Variants in RALGPS1 observed in about 807,000 individuals in gnomAD.
RALGPS1 encodes the protein Ral GEF with PH domain and SH3 binding motif 1.
Under a neutral mutation model 78.8 loss-of-function variants are expected in RALGPS1, and 19 were observed. That is an observed-to-expected ratio of 0.24 (90% CI 0.17 to 0.35). RALGPS1 has a LOEUF of 0.35. Among genes scored for constraint, RALGPS1 ranks in the 10% least tolerant of loss-of-function variants. The pLI is 1.00. For synonymous variants in RALGPS1, 228 were observed against 256.3 expected (o/e 0.89, Z 1.06); for missense variants, 454 against 688.3 (o/e 0.66, Z 3.81).
chr9:127,172,276 C>T (rs565959934), intron 10 of RALGPS1, among the ~76,000 whole-genome samples: 2 of 152,334 alleles, frequency 1.3e-5, no homozygotes, highest in African/African-American at 4.8e-5. Context: ...GGCCGTGTGC[C>T]GTTGCCTCTG....
chr9:126,981,317 G>A (rs1308069216), intron 4 of RALGPS1, among the ~76,000 whole-genome samples: 3 of 152,200 alleles, frequency 2.0e-5, no homozygotes, highest in African/African-American at 7.2e-5. Context: ...TTTGATGGAG[G>A]AGTAGGGGAG....
At chr9:127,215,464 C>T (rs1416982375) in intron 18 of RALGPS1, among the ~76,000 whole-genome samples, 1 of 152,242 alleles carries the variant, frequency 6.6e-6, no homozygotes, top group Non-Finnish European at 1.5e-5. Context: ...TGAATTCTCT[C>T]AACATCCCTG....
At chr9:126,941,359 T>C (rs1171991425) in intron 1 of RALGPS1, among the ~76,000 whole-genome samples, 1 of 152,166 alleles carries the variant, frequency 6.6e-6, no homozygotes, top group African/African-American at 2.4e-5. Flanking sequence ...AGGTGACAGA[T>C]ATTCCATTTA....
At chr9:126,956,049 A>T (rs78831525) in intron 1 of RALGPS1, among the ~76,000 whole-genome samples, 1 of 152,020 alleles carries the variant, frequency 6.6e-6, no homozygotes, top group African/African-American at 2.4e-5. Flanking sequence ...CATCCCTCTG[A>T]CCAGACTGTC....
At chr9:127,090,713 C>T (rs2052363078) in intron 8 of RALGPS1, among the ~76,000 whole-genome samples, 1 of 152,166 alleles carries the variant, frequency 6.6e-6, no homozygotes, top group Non-Finnish European at 1.5e-5. Context: ...GAAATGGAGG[C>T]AGGAGGGGAC....
Position 127,070,537 on chromosome 9 carries a change from G to T in RALGPS1, c.610+1181G>T, listed in dbSNP as rs182277617. Among the ~76,000 whole-genome samples, 11 of 152,312 alleles carry T rather than the reference G, an allele frequency of 7.2e-5. No individual in the cohort carries two copies. The East Asian group carries it at 1.9e-3, about 27-fold the overall frequency. On this transcript the variant is annotated intron_variant, in intron 8 of 18. Coordinates refer to ENST00000259351, the MANE Select transcript of RALGPS1 (RefSeq NM_014636.3). ...TCAATTTGTACTTTCATCAGAAGGG[G>T]ATGAAATTGCCTGTTTCTCCCACAT...
rs949447406 is a variant in RALGPS1, at chr9:126,979,274, T to C, written c.216+1529T>C. 7.9e-4 allele frequency among the ~76,000 whole-genome samples: 119 copies of C among 151,058 alleles called. 1 individual carries two copies. The highest frequency in any genetic ancestry group is 3.4e-3 in the Middle Eastern group (1 of 294). On this transcript the variant is annotated intron_variant, in intron 4 of 18. Coordinates refer to ENST00000259351, the MANE Select transcript of RALGPS1 (RefSeq NM_014636.3). ...GTGTGTGTGTGTGTGTGTGTGTGTG[T>C]GCTTGTGTCTGTGTGTTCATTAGGG...
intron 1 of RALGPS1, among the ~76,000 whole-genome samples, chr9:126,930,034 G>T (rs1303059368): frequency 3.9e-5 from 6 of 152,112 alleles, no homozygotes; most frequent in Non-Finnish European, 7.3e-5. Context: ...GTCTTGCAGT[G>T]TTGCCCAGGC....
At chr9:127,217,107 C>T (rs2062629907) in intron 18 of RALGPS1, 3 of 1,359,210 alleles carry the variant, frequency 2.2e-6, no homozygotes, top group African/African-American at 1.5e-5. Context: ...GCAGCCCCAG[C>T]AGGCAGCAGT....
intron 8 of RALGPS1, among the ~76,000 whole-genome samples, chr9:127,164,321 C>T (rs913618515): frequency 1.3e-5 from 2 of 152,102 alleles, no homozygotes; most frequent in East Asian, 1.9e-4. Flanking sequence ...CTGCAACCTC[C>T]GCCTCCTGGG....
intron 8 of RALGPS1, among the ~76,000 whole-genome samples, chr9:127,150,450 G>T (rs944195053): frequency 6.6e-6 from 1 of 152,162 alleles, no homozygotes; most frequent in African/African-American, 2.4e-5. Flanking sequence ...GGCTTTCCAA[G>T]CTCCAAATGG....
rs2062343162 is a variant in RALGPS1 at position 127,212,691 on chromosome 9, A to G, written c.1418A>G (p.Lys473Arg). The change falls in exon 16 of 19, where the codon AAG becomes AGG. Residue 473 changes from lysine (K) to arginine (R), a missense_variant. Coordinates refer to ENST00000259351, the MANE Select transcript of RALGPS1 (RefSeq NM_014636.3). This position sits in a 1 kb window ranked among gnomAD's most constrained non-coding sequence, Gnocchi z 6.0. ...SGSTLLYYGA[K>R]SLRGTDRKHY... The stretch of plus-strand genomic sequence containing the variant: ...TCCACCCTCCTGTACTACGGAGCCA[A>G]GTCCTTGCGGGGCACAGACAGAAAA... 1.9e-6 allele frequency: 3 copies of G among 1,613,430 alleles called. No homozygotes were observed. The highest frequency in any genetic ancestry group is 1.3e-5 in the African/African-American group (1 of 74,894).
intron 1 of RALGPS1, among the ~76,000 whole-genome samples, chr9:126,958,142 A>AAAAAAAATATATATATAT (rs113413659): frequency 2.6e-5 from 2 of 77,098 alleles, no homozygotes; most frequent in African/African-American, 4.1e-5. Flanking sequence ...AAAAAAAAAA[A>AAAAAAAATATATATATAT]ATATATATAT....
At chr9:127,204,671 T>C (rs934244987) in intron 14 of RALGPS1, among the ~76,000 whole-genome samples, 2 of 152,134 alleles carry the variant, frequency 1.3e-5, no homozygotes, top group African/African-American at 4.8e-5. Flanking sequence ...TGTGGGGTGG[T>C]GCTGTAGGGC....
intron 11 of RALGPS1, among the ~76,000 whole-genome samples, chr9:127,191,690 G>T (rs376958659): frequency 0.019 from 2,159 of 111,584 alleles, 64 homozygotes; most frequent in African/African-American, 0.062. Flanking sequence ...TGTTTTTTGG[G>T]TTTTTTTTTG....
At chr9:127,213,718 C>T (rs940918177) in intron 17 of RALGPS1, 28 of 152,528 alleles carry the variant, frequency 1.8e-4, no homozygotes, top group African/African-American at 6.8e-4. Context: ...GCTGGAAAAT[C>T]CCCACGCATT....
chr9:126,973,677 G>A (rs2040331504), intron 3 of RALGPS1, among the ~76,000 whole-genome samples: 1 of 152,122 alleles, frequency 6.6e-6, no homozygotes, highest in Non-Finnish European at 1.5e-5. Context: ...TACATTCACA[G>A]TGTCATGTAA....
intron 8 of RALGPS1, among the ~76,000 whole-genome samples, chr9:127,097,918 A>G (rs1208276212): frequency 2.0e-5 from 3 of 152,172 alleles, no homozygotes; most frequent in African/African-American, 7.2e-5. Context: ...CTTCTGTGAA[A>G]TGGGAAGAGA....
chr9:127,214,620 T>C, intron 17 of RALGPS1, 131 bp from the exon 18 acceptor site: 1 of 1,403,084 alleles, frequency 7.1e-7, no homozygotes. Context: ...CTGCTTTCTC[T>C]GCATGTTCCA....
Sources: gnomAD v4.1 joint callset for allele counts (sites outside exome capture counted in the v4.1 genomes callset) on GRCh38, gnomAD v4.1.1 for gene constraint, Gnocchi (gnomAD v3.1) non-coding constraint, MANE v1.5 for transcripts, NCBI Gene and HGNC (gene_info 2026-07-23, HGNC 2026-07-21) for gene names.